TNS4: variants seen among roughly 807,000 people sequenced by gnomAD.
TNS4 encodes tensin-4.
TNS4 carries 46 observed loss-of-function variants against 70.4 expected under a neutral mutation model. The ratio of observed to expected loss-of-function variants is 0.65; its 90% CI spans 0.52 to 0.84. The LOEUF (loss-of-function observed/expected upper bound fraction) is 0.84, where lower values mean the gene tolerates loss of function less well. Ranked by LOEUF, TNS4 falls within the 40% of genes least tolerant of loss-of-function variation. The pLI, the probability that TNS4 is intolerant of heterozygous loss-of-function variation, is 0.00. For missense variants in TNS4, 863 were observed against 907.0 expected, an observed-to-expected ratio of 0.95 and a Z score of 0.62; for synonymous variants, 390 against 366.6, an observed-to-expected ratio of 1.06 and a Z score of -0.73.
Position 40,478,313 on chromosome 17 carries a change from G to A in TNS4, c.2000C>T (p.Pro667Leu). 1 of 1,611,764 alleles carries A rather than the reference G, an allele frequency of 6.2e-7. No individual in the cohort carries two copies. ...TGAGACAGGAAGGCCTTACCAGGAGGGTTTGCAGTACTTCTGCCACCTGTA... is the reference window on the plus strand; with the variant it reads ...TGAGACAGGAAGGCCTTACCAGGAGAGTTTGCAGTACTTCTGCCACCTGTA... ...EQRKWQKYCK[P>L]SWIFGFVAKS... The change falls in exon 12 of 13, where the codon CCC (proline) becomes CTC (leucine). Residue 667 changes from proline to leucine, a missense_variant. By Grantham distance (98) the Pro-to-Leu change is moderately conservative. Transcript: ENST00000254051.
intron 2 of TNS4, among the ~76,000 whole-genome samples, chr17:40,489,590 C>T (rs2036039762): frequency 6.6e-6 from 1 of 151,970 alleles, no homozygotes; most frequent in Admixed American, 6.6e-5. Context: ...GGTGGATCAC[C>T]TGAGGTCAGG....
chr17:40,480,691 A>G lies in TNS4; in HGVS notation c.1741+9T>C, dbSNP rs2035910319. 1 of 1,544,302 alleles carries G rather than the reference A, an allele frequency of 6.5e-7. No homozygotes were observed. The highest frequency in any genetic ancestry group is 1.7e-4 in the Middle Eastern group (1 of 5,780). ...CCAAGCTTGGCGCCTCCCTTCCTGT[A>G]CCACTCACCCGCAGATTTCTTCTGG... On this transcript the variant is annotated intron_variant, in intron 9 of 12. Transcript: ENST00000254051.
At chr17:40,496,854 G>A (rs2036152247) in intron 1 of TNS4, among the ~76,000 whole-genome samples, 1 of 152,204 alleles carries the variant, frequency 6.6e-6, no homozygotes, top group Admixed American at 6.5e-5. Flanking sequence ...CATCCCAGGT[G>A]TGTTTATTAA....
At chr17:40,480,566 G>T in intron 9 of TNS4, 134 bp downstream of exon 9, 1 of 863,718 alleles carries the variant, frequency 1.2e-6, no homozygotes, top group Non-Finnish European at 1.6e-6. Context: ...TGTTAAAGAT[G>T]CAGAAACAAA....
chr17:40,489,719 C>T (rs1307461201), intron 2 of TNS4, among the ~76,000 whole-genome samples: 4 of 145,656 alleles, frequency 2.7e-5, no homozygotes, highest in East Asian at 2.0e-4. Flanking sequence ...CGCTTGAACC[C>T]GGGAGGCAGA....
Position 40,479,725 on chromosome 17 carries a change from A to T in TNS4, c.1859T>A (p.Val620Asp), listed in dbSNP as rs895999274. 1.9e-6 allele frequency: 3 copies of T among 1,613,966 alleles called. No homozygotes were observed. The African/African-American group carries it at 4.0e-5, about 22-fold the overall frequency. Residue 620 changes from valine (V) to aspartate (D), a missense_variant, in exon 10 of 13, where the codon GTC becomes GAC. Coordinates refer to ENST00000254051, the MANE Select transcript of TNS4 (RefSeq NM_032865.6). ...ERDILPTPTV[V>D]HFKVTEQGIT... Reference sequence around the variant, plus strand: ...GCCCTGCTCTGTGACTTTGAAGTGGACCACGGTGGGCGTGGGGAGGATGTC... The same window carrying T: ...GCCCTGCTCTGTGACTTTGAAGTGGTCCACGGTGGGCGTGGGGAGGATGTC...
chr17:40,484,199 G>C (rs889305756), intron 6 of TNS4, among the ~76,000 whole-genome samples: 1 of 152,200 alleles, frequency 6.6e-6, no homozygotes, highest in Non-Finnish European at 1.5e-5. Flanking sequence ...CAGCCTAGAG[G>C]GGGCTAGGAC....
rs1279675609 is a variant in TNS4 at position 40,484,348 on chromosome 17, G to T, written c.1501+136C>A. 2.2e-5 allele frequency: 30 copies of T among 1,346,058 alleles called. No individual in the cohort carries two copies. In the South Asian group the frequency reaches 4.2e-4, roughly 19 times the overall value. 83.4% of individuals were successfully genotyped at this position (1,346,058 alleles called of 1,614,324 possible). ...GGAGGGCATCGGGGAGAACACTGGG[G>T]TGGACGCTTCTCCTAGGAGCTGTTA... On this transcript the variant is annotated intron_variant, in intron 6 of 12. Coordinates refer to ENST00000254051, the MANE Select transcript of TNS4 (RefSeq NM_032865.6).
intron 2 of TNS4, among the ~76,000 whole-genome samples, chr17:40,493,850 T>C (rs2036106521): frequency 6.6e-6 from 1 of 152,242 alleles, no homozygotes; most frequent in African/African-American, 2.4e-5. Context: ...CCACAGGGAC[T>C]GGTTTTGCCC....
intron 8 of TNS4, 133 bp from the exon 9 acceptor site, chr17:40,480,901 A>T: frequency 9.6e-7 from 1 of 1,036,988 alleles, no homozygotes; most frequent in Non-Finnish European, 1.4e-6. Flanking sequence ...AAGTGACTCA[A>T]ACCAGGTGTG....
At position 40,478,660 on chromosome 17, in the gene TNS4, C is replaced by T. The variant is rs200122917; in HGVS notation, c.1911-12G>A. 407 of 1,613,832 alleles carry T rather than the reference C, an allele frequency of 2.5e-4. 1 individual carries two copies. The Middle Eastern group carries it at 6.1e-3, about 24-fold the overall frequency. ...GCCGGAAAAACACCCTAGGAGGAGG[C>T]GGGGAGAGAAGGGAAGCGATGACAG... On this transcript the variant is annotated splice_polypyrimidine_tract_variant and intron_variant, in intron 10 of 12. Transcript: ENST00000254051.
At chr17:40,489,058 G>A (rs746559492) in intron 2 of TNS4, 89 bp from the exon 3 acceptor site, 1 of 1,279,392 alleles carries the variant, frequency 7.8e-7, no homozygotes, top group Non-Finnish European at 1.1e-6. Flanking sequence ...AGGTCATTCT[G>A]TCCCCCCTCT....
At chr17:40,485,872 T>C (rs1378478879) in intron 4 of TNS4, among the ~76,000 whole-genome samples, 1 of 152,228 alleles carries the variant, frequency 6.6e-6, no homozygotes, top group African/African-American at 2.4e-5. Context: ...AAATGATTTG[T>C]CCTAGGAAAG....
intron 3 of TNS4, 63 bp from the exon 4 acceptor site, chr17:40,487,523 G>C: frequency 6.6e-7 from 1 of 1,526,174 alleles, no homozygotes; most frequent in Non-Finnish European, 8.8e-7. Context: ...CTAGAGTCAG[G>C]CTCCGGATCT....
intron 12 of TNS4, 192 bp downstream of exon 12, chr17:40,478,115 G>C (rs9895505): frequency 0.17 from 122,784 of 703,862 alleles, 14,455 homozygotes; most frequent in African/African-American, 0.48. Flanking sequence ...GGGCTCCCAG[G>C]CTCATGTCAC....
chr17:40,485,102 T>C lies in TNS4; in HGVS notation c.1289-95A>G, dbSNP rs973650126. 5.6e-6 allele frequency: 6 copies of C among 1,079,144 alleles called. No individual in the cohort carries two copies. The African/African-American group carries it at 7.8e-5, about 14-fold the overall frequency. The allele number at this position is 1,079,144 out of a possible 1,614,324, so 66.8% of individuals were successfully genotyped here. ...AGGCTGGAGACCCTTCCCTACTCTA[T>C]TGCCCCAAGGTTTCATTCAACCACC... On this transcript the variant is annotated intron_variant, in intron 4 of 12. Transcript: ENST00000254051.
Position 40,484,909 on chromosome 17 carries a change from G to C in TNS4, c.1375+12C>G. 1 of 1,613,964 alleles carries C rather than the reference G, an allele frequency of 6.2e-7. No homozygotes were observed. The highest frequency in any genetic ancestry group is 8.5e-7 in the Non-Finnish European group (1 of 1,179,836). Reference sequence around the variant, plus strand: ...CAGACCCTATTCTGGGGTCACTCGTGCTTCCTTTTACCTTGCTCTCGGGTG... The same window carrying C: ...CAGACCCTATTCTGGGGTCACTCGTCCTTCCTTTTACCTTGCTCTCGGGTG... On this transcript the variant is annotated intron_variant, in intron 5 of 12. Transcript: ENST00000254051.
At chr17:40,477,913 T>G (rs1031006735) in intron 12 of TNS4, 184 bp from the exon 13 acceptor site, 5 of 624,722 alleles carry the variant, frequency 8.0e-6, no homozygotes, top group Non-Finnish European at 1.4e-5. Context: ...CCCGTCAGAC[T>G]GGGAGATTTC....
At chr17:40,484,363 A>C in intron 6 of TNS4, 121 bp downstream of exon 6, 12 of 1,439,108 alleles carry the variant, frequency 8.3e-6, no homozygotes, top group African/African-American at 1.4e-5. Flanking sequence ...CGCTTCTCCT[A>C]GGAGCTGTTA....
Sources: gnomAD v4.1 joint callset for allele counts (sites outside exome capture counted in the v4.1 genomes callset) on GRCh38, gnomAD v4.1.1 for gene constraint, MANE v1.5 for transcripts, NCBI Gene and HGNC (gene_info 2026-07-23, HGNC 2026-07-21) for gene names.